Variants in SP140L observed in about 807,000 individuals in gnomAD.
SP140L encodes the protein SP140 like nuclear body protein.
A neutral mutation model predicts 84.3 loss-of-function variants in SP140L; 64 were observed. The ratio of observed to expected loss-of-function variants is 0.76; its 90% CI spans 0.62 to 0.94. The LOEUF (loss-of-function observed/expected upper bound fraction) is 0.94, where lower values mean the gene tolerates loss of function less well. Among genes scored for constraint, SP140L ranks in the 40% least tolerant of loss-of-function variants. The pLI is 0.00. For missense variants in SP140L, 628 were observed against 692.5 expected (o/e 0.91, Z 1.05); for synonymous variants, 242 against 236.9 (o/e 1.02, Z -0.20).
chr2:230,397,943 AG>A (rs929343739), intron 14 of SP140L, among the ~76,000 whole-genome samples: 5 of 152,206 alleles, frequency 3.3e-5, no homozygotes, highest in African/African-American at 9.7e-5. Flanking sequence ...AAACAGATCC[AG>A]CAAAGGTATG....
intron 7 of SP140L, among the ~76,000 whole-genome samples, chr2:230,377,244 G>C (rs1275711414): frequency 1.4e-5 from 1 of 73,348 alleles, no homozygotes; most frequent in East Asian, 2.3e-4. Context: ...TCAAACTCCT[G>C]AGCAAGTGAT....
chr2:230,344,196 G>T (rs1386791438), intron 2 of SP140L, among the ~76,000 whole-genome samples: 1 of 152,106 alleles, frequency 6.6e-6, no homozygotes, highest in African/African-American at 2.4e-5. Flanking sequence ...TTATGAATCT[G>T]GGTGCTCCTG....
At chr2:230,345,181 A>G (rs1445388845) in intron 2 of SP140L, among the ~76,000 whole-genome samples, 1 of 152,168 alleles carries the variant, frequency 6.6e-6, no homozygotes, top group Non-Finnish European at 1.5e-5. Context: ...AGGTATTCCA[A>G]TGCTATTGTC....
chr2:230,344,998 G>A lies in SP140L; in HGVS notation c.108-12807G>A, dbSNP rs577232440. Among the ~76,000 whole-genome samples, 8 of 152,256 alleles carry A rather than the reference G, an allele frequency of 5.3e-5. No homozygotes were observed. In the South Asian group the frequency reaches 1.7e-3, roughly 32 times the overall value. ...TTGCTGCTGTTCAGTGAAATGTTCTGTATATGTCTTTTAGGTCCATTTGAT... is the reference window on the plus strand; with the variant it reads ...TTGCTGCTGTTCAGTGAAATGTTCTATATATGTCTTTTAGGTCCATTTGAT... On this transcript the variant is annotated intron_variant, in intron 2 of 18. Coordinates refer to ENST00000415673, the MANE Select transcript of SP140L (RefSeq NM_138402.6).
chr2:230,329,597 C>G (rs897558820), intron 2 of SP140L, among the ~76,000 whole-genome samples: 10 of 152,160 alleles, frequency 6.6e-5, no homozygotes, highest in South Asian at 6.2e-4. Flanking sequence ...CTCCCAAGAT[C>G]TGATGGTTTT....
At chr2:230,359,699 G>A (rs1241656015) in intron 4 of SP140L, among the ~76,000 whole-genome samples, 1 of 152,066 alleles carries the variant, frequency 6.6e-6, no homozygotes, top group Non-Finnish European at 1.5e-5. Flanking sequence ...ATAGTTTCAG[G>A]CAAACAGTCA....
intron 4 of SP140L, among the ~76,000 whole-genome samples, chr2:230,360,835 C>T (rs1406361313): frequency 6.6e-6 from 1 of 152,200 alleles, no homozygotes; most frequent in African/African-American, 2.4e-5. Flanking sequence ...CCCCTGTGTC[C>T]TCTGTTATGT....
intron 7 of SP140L, among the ~76,000 whole-genome samples, chr2:230,379,169 T>C (rs564901261): frequency 6.6e-6 from 1 of 152,312 alleles, no homozygotes; most frequent in East Asian, 1.9e-4. Context: ...TTTTGCAATT[T>C]TATCTGATAA....
At chr2:230,355,088 G>A (rs745547906) in intron 2 of SP140L, among the ~76,000 whole-genome samples, 7 of 151,908 alleles carry the variant, frequency 4.6e-5, no homozygotes, top group Admixed American at 2.0e-4. Context: ...CTTCAACATC[G>A]TATTTAAACT....
intron 2 of SP140L, among the ~76,000 whole-genome samples, chr2:230,341,218 C>T (rs1335219969): frequency 1.4e-5 from 2 of 144,304 alleles, no homozygotes; most frequent in Non-Finnish European, 3.0e-5. Context: ...TCTAAACTTC[C>T]CTTCTTGCTT....
intron 5 of SP140L, 151 bp from the exon 6 acceptor site, chr2:230,370,757 G>A (rs993851010): frequency 4.8e-5 from 30 of 622,394 alleles, no homozygotes; most frequent in Middle Eastern, 3.3e-4. Flanking sequence ...AGAAGATTTC[G>A]GAGGAAAAAG....
At chr2:230,401,890 C>T in intron 18 of SP140L, 83 bp downstream of exon 18, 3 of 1,558,634 alleles carry the variant, frequency 1.9e-6, no homozygotes, top group South Asian at 1.2e-5. Flanking sequence ...TAGTTTCCCT[C>T]ATCCTGTAAT....
At position 230,403,133 on chromosome 2, in the gene SP140L, A is replaced by C. The variant is rs1246498220; in HGVS notation, c.*237A>C. ...AGGGAAGGAGATTGGAGGTGATACC[A>C]GCACAGACAGACTCTCACCTCTTCT... On this transcript the variant is annotated 3_prime_UTR_variant, in exon 19 of 19. Transcript: ENST00000415673. 4.4e-6 allele frequency: 2 copies of C among 452,466 alleles called. No homozygotes were observed. The highest frequency in any genetic ancestry group is 7.8e-6 in the Non-Finnish European group (2 of 257,814). The allele number at this position is 452,466 out of a possible 1,614,324, so 28.0% of individuals were successfully genotyped here.
At chr2:230,334,462 T>C (rs186470826) in intron 2 of SP140L, among the ~76,000 whole-genome samples, 17 of 152,344 alleles carry the variant, frequency 1.1e-4, no homozygotes, top group Non-Finnish European at 2.5e-4. Context: ...TGCAGATGTG[T>C]TCAACCCGCC....
chr2:230,331,835 T>C (rs939134253), intron 2 of SP140L, among the ~76,000 whole-genome samples: 2 of 152,220 alleles, frequency 1.3e-5, no homozygotes, highest in African/African-American at 4.8e-5. Flanking sequence ...TAAGTAGTCT[T>C]CTCCCTTCTA....
chr2:230,368,212 C>G (rs570745435), intron 5 of SP140L, among the ~76,000 whole-genome samples: 1 of 152,180 alleles, frequency 6.6e-6, no homozygotes, highest in African/African-American at 2.4e-5. Flanking sequence ...GTCTTTACCT[C>G]TCCTTCATTT....
At chr2:230,363,781 T>C (rs1398711957) in intron 5 of SP140L, among the ~76,000 whole-genome samples, 1 of 152,124 alleles carries the variant, frequency 6.6e-6, no homozygotes, top group Non-Finnish European at 1.5e-5. Context: ...CCTGTTTTCT[T>C]CCAGTAATTT....
chr2:230,361,778 G>A, intron 5 of SP140L, 81 bp downstream of exon 5: 1 of 1,066,680 alleles, frequency 9.4e-7, no homozygotes, highest in South Asian at 1.4e-5. Context: ...AAGGTCCTGA[G>A]GGGAAATTGT....
At chr2:230,341,857 C>G in intron 2 of SP140L, among the ~76,000 whole-genome samples, 1 of 151,996 alleles carries the variant, frequency 6.6e-6, no homozygotes, top group African/African-American at 2.4e-5. Flanking sequence ...GTTCTCAGAT[C>G]TCCAGCTGCG....
Sources: gnomAD v4.1 joint callset for allele counts (sites outside exome capture counted in the v4.1 genomes callset) on GRCh38, gnomAD v4.1.1 for gene constraint, MANE v1.5 for transcripts, NCBI Gene and HGNC (gene_info 2026-07-23, HGNC 2026-07-21) for gene names.